Variants in RBFOX1 observed in about 807,000 individuals in gnomAD.
RBFOX1 encodes the protein RNA binding fox-1 homolog 1, also known as RNA binding protein fox-1 homolog 1.
A neutral mutation model predicts 57.7 loss-of-function variants in RBFOX1; 8 were observed. The ratio of observed to expected loss-of-function variants is 0.14; its 90% confidence interval spans 0.08 to 0.25. The LOEUF is 0.25. Among genes scored for constraint, RBFOX1 ranks in the 10% least tolerant of loss-of-function variants. RBFOX1 has a pLI of 1.00. For synonymous variants in RBFOX1, 326 were observed against 222.4 expected (o/e 1.47, Z -4.15); for missense variants, 611 against 548.5 (o/e 1.11, Z -1.14).
intron 2 of RBFOX1, among the ~76,000 whole-genome samples, chr16:5,498,588 T>C (rs111902402): frequency 2.6e-5 from 4 of 152,224 alleles, no homozygotes; most frequent in African/African-American, 9.6e-5. Flanking sequence ...ACTGGGAAGA[T>C]GTTTTAGGAG....
chr16:6,859,120 T>TATATATATATATATATAC (rs2058446906), intron 3 of RBFOX1, among the ~76,000 whole-genome samples: 1 of 86,438 alleles, frequency 1.2e-5, no homozygotes. Flanking sequence ...TGTATATATA[T>TATATATATATATATATAC]ATATATATAC....
rs191453815 is a variant in RBFOX1 at position 6,841,711 on chromosome 16, T to A, written c.-16+187061T>A. Among the ~76,000 whole-genome samples the A allele has an allele frequency of 8.1e-4, 123 of 152,216 alleles. 1 individual carries two copies. The highest frequency in any genetic ancestry group is 1.9e-3 in the South Asian group (9 of 4,824). ...ATGATGGAGGCATTGTCAGGGCACATGAACCCTCTAAGAAGTGGATGTGGT... is the reference window on the plus strand; with the variant it reads ...ATGATGGAGGCATTGTCAGGGCACAAGAACCCTCTAAGAAGTGGATGTGGT... On this transcript the variant is annotated intron_variant, in intron 3 of 15. Transcript: ENST00000550418.
chr16:6,492,070 A>G (rs1213362612), intron 2 of RBFOX1, among the ~76,000 whole-genome samples: 3 of 152,156 alleles, frequency 2.0e-5, no homozygotes, highest in African/African-American at 4.8e-5. Flanking sequence ...GGCAAAGGAC[A>G]TGAATATAGG....
chr16:7,484,675 GCTGGTCTTGAACTC>G (rs1297544606), intron 4 of RBFOX1, among the ~76,000 whole-genome samples: 1 of 152,166 alleles, frequency 6.6e-6, no homozygotes, highest in Non-Finnish European at 1.5e-5. Flanking sequence ...TGTTGGTCAG[GCTGGTCTTGAACTC>G]CTGGCCTCAG....
At chr16:6,394,242 T>G (rs2152938791) in intron 2 of RBFOX1, among the ~76,000 whole-genome samples, 1 of 152,330 alleles carries the variant, frequency 6.6e-6, no homozygotes, top group South Asian at 2.1e-4. Flanking sequence ...TAGTGTTTGT[T>G]TGCTCATCTG....
intron 12 of RBFOX1, 189 bp from the exon 13 acceptor site, chr16:7,664,740 C>G (rs996701981): frequency 8.3e-6 from 8 of 965,998 alleles, no homozygotes; most frequent in African/African-American, 1.6e-5. Flanking sequence ...AACACCAAAG[C>G]CCGGCCTAAT....
intron 2 of RBFOX1, among the ~76,000 whole-genome samples, chr16:6,535,737 C>G (rs1041156339): frequency 6.6e-6 from 1 of 152,186 alleles, no homozygotes; most frequent in Non-Finnish European, 1.5e-5. Context: ...GGAAGGAAGC[C>G]TCTTTCATCT....
intron 4 of RBFOX1, among the ~76,000 whole-genome samples, chr16:7,225,155 T>C (rs1193927750): frequency 6.6e-6 from 1 of 152,206 alleles, no homozygotes; most frequent in African/African-American, 2.4e-5. Flanking sequence ...CTTAAATCCA[T>C]GGTCACCCTA....
rs1042646145 is a variant in RBFOX1 at position 5,780,370 on chromosome 16, A to G, written c.319-86933A>G. Among the ~76,000 whole-genome samples, 4 of 152,228 alleles carry G rather than the reference A, an allele frequency of 2.6e-5. 1 individual carries two copies. Among genetic ancestry groups the G allele is most frequent in the Admixed American group, 1.3e-4 (2 of 15,282 alleles). ...ATTTCTTCTGGGTACAGGAAAGGAT[A>G]GAGACAATGAGATAAATTTTATTCA... On this transcript the variant is annotated intron_variant, in intron 3 of 19. Transcript: ENST00000641259.
At chr16:7,249,829 G>A (rs2094442782) in intron 4 of RBFOX1, among the ~76,000 whole-genome samples, 1 of 152,126 alleles carries the variant, frequency 6.6e-6, no homozygotes, top group African/African-American at 2.4e-5. Flanking sequence ...CCTACAAGTG[G>A]AAATACTTGA....
chr16:5,978,755 G>A (rs540820484), intron 4 of RBFOX1, among the ~76,000 whole-genome samples: 4 of 151,430 alleles, frequency 2.6e-5, no homozygotes, highest in East Asian at 3.9e-4. Context: ...TGTACATCCA[G>A]TCTGGGTTTG....
intron 1 of RBFOX1, among the ~76,000 whole-genome samples, chr16:6,254,635 A>G (rs1309526868): frequency 6.6e-5 from 10 of 152,296 alleles, no homozygotes; most frequent in African/African-American, 2.2e-4. Context: ...GACTGATGCA[A>G]TCTAGTCTCT....
intron 3 of RBFOX1, among the ~76,000 whole-genome samples, chr16:6,806,731 TTC>T (rs1489848317): frequency 1.3e-5 from 2 of 148,896 alleles, no homozygotes; most frequent in African/African-American, 2.4e-5. Context: ...GGGAGCATCT[TTC>T]TGTTTTTTCT....
At chr16:6,889,434 G>T (rs2064904527) in intron 3 of RBFOX1, among the ~76,000 whole-genome samples, 1 of 152,208 alleles carries the variant, frequency 6.6e-6, no homozygotes, top group African/African-American at 2.4e-5. Context: ...CCAGAAAAAG[G>T]AGAACGTGGA....
In RBFOX1 at chr16:7,711,123, T is replaced by TA. The variant is rs1427739484; in HGVS notation, c.*380dup. The TA allele has an allele frequency of 6.3e-6, 1 of 158,588 alleles. No individual in the cohort carries two copies. Among genetic ancestry groups the TA allele is most frequent in the Non-Finnish European group, 1.4e-5 (1 of 72,406 alleles). 9.8% of individuals were successfully genotyped at this position (158,588 alleles called of 1,614,324 possible). On this transcript the variant is annotated 3_prime_UTR_variant, in exon 16 of 16. Coordinates refer to ENST00000550418, the MANE Select transcript of RBFOX1 (RefSeq NM_018723.4). The stretch of plus-strand genomic sequence containing the variant: ...GGTTATCAGCTATTTGGGAAGAGTG[T>TA]AAGTGACTACAGTAGTCATTTTTTT...
chr16:7,658,788 A>C lies in RBFOX1; in HGVS notation c.890+4841A>C, dbSNP rs112701272. 7.1e-3 allele frequency among the ~76,000 whole-genome samples: 1,087 copies of C among 152,282 alleles called. 13 individuals carry two copies. The highest frequency in any genetic ancestry group is 0.025 in the African/African-American group (1,041 of 41,558). On this transcript the variant is annotated intron_variant, in intron 12 of 15. Transcript: ENST00000550418. ...CACCCAGGCTGAAATGCAGTGGTAC[A>C]ATCTCTGCTCACTGCAACCTCCTCC...
intron 1 of RBFOX1, chr16:6,059,264 C>T (rs1163002427): frequency 6.6e-6 from 1 of 152,120 alleles, no homozygotes; most frequent in East Asian, 1.9e-4. Flanking sequence ...GTGAGCAATT[C>T]TGATTTCTTC....
intron 4 of RBFOX1, among the ~76,000 whole-genome samples, chr16:7,390,601 G>A (rs777896475): frequency 5.9e-5 from 9 of 152,150 alleles, no homozygotes; most frequent in South Asian, 2.1e-4. Flanking sequence ...GCTATATTTC[G>A]CATTAACACC....
At chr16:5,636,237 A>G (rs1020154182) in intron 3 of RBFOX1, among the ~76,000 whole-genome samples, 1 of 152,036 alleles carries the variant, frequency 6.6e-6, no homozygotes, top group Non-Finnish European at 1.5e-5. Context: ...AGTCCCAGCT[A>G]CTCTGGAGGC....
Sources: gnomAD v4.1 joint callset for allele counts (sites outside exome capture counted in the v4.1 genomes callset) on GRCh38, gnomAD v4.1.1 for gene constraint, MANE v1.5 for transcripts, NCBI Gene and HGNC (gene_info 2026-07-23, HGNC 2026-07-21) for gene names.